The following BAIAP2 variants were observed in gnomAD, a reference collection of about 807,000 sequenced individuals.
The protein encoded by BAIAP2 is BAR/IMD domain containing adaptor protein 2.
In BAIAP2, 18 loss-of-function variants were observed where a neutral mutation model predicts 63.0. The observed-to-expected ratio is 0.29, with a 90% CI of 0.20 to 0.42. BAIAP2 has a LOEUF of 0.42. Ranked by LOEUF, BAIAP2 falls within the 10% of genes least tolerant of loss-of-function variation. The pLI is 1.00. For synonymous variants in BAIAP2, 386 were observed against 307.6 expected (o/e 1.25, Z -2.67); for missense variants, 610 against 734.3 (o/e 0.83, Z 1.96).
chr17:81,079,824 G>A (rs1417872352), intron 3 of BAIAP2, among the ~76,000 whole-genome samples: 1 of 152,194 alleles, frequency 6.6e-6, no homozygotes, highest in African/African-American at 2.4e-5. Flanking sequence ...CCAGACGTGG[G>A]CCTCCCAGTG....
At chr17:81,110,105 C>CGGCTCAGCCT in intron 13 of BAIAP2, 8 of 985,354 alleles carry the variant, frequency 8.1e-6, no homozygotes, top group Non-Finnish European at 9.6e-6. Context: ...GGGCACAGCC[C>CGGCTCAGCCT]GGCTCAGCCT....
At chr17:81,091,180 T>A (rs2056688974) in intron 6 of BAIAP2, among the ~76,000 whole-genome samples, 1 of 106,442 alleles carries the variant, frequency 9.4e-6, no homozygotes, top group African/African-American at 3.4e-5. Context: ...CACCCCCATT[T>A]ATGTGGCCCC....
intron 3 of BAIAP2, among the ~76,000 whole-genome samples, chr17:81,063,107 TAAG>T (rs918951484): frequency 5.3e-5 from 8 of 151,648 alleles, no homozygotes; most frequent in South Asian, 2.1e-4. Flanking sequence ...CTGCAGGGGT[TAAG>T]AGGAGGGGTG....
intron 3 of BAIAP2, among the ~76,000 whole-genome samples, chr17:81,066,908 C>T (rs1235571821): frequency 1.3e-5 from 2 of 152,252 alleles, no homozygotes; most frequent in South Asian, 2.1e-4. Context: ...GGGCATGACA[C>T]CTGCTTTCAG....
Position 81,035,201 on chromosome 17 carries a change from TGCC to T in BAIAP2, c.-48_-46del. 7.1e-7 allele frequency: 1 copy of T among 1,410,988 alleles called. No individual in the cohort carries two copies. The allele number at this position is 1,410,988 out of a possible 1,614,324, so 87.4% of individuals were successfully genotyped here. ...GTCCTGCTGCCGTTACCGCCGCTGC[TGCC>T]GCCGCTTGCGTCCCCCGCTCCGGTC... is the stretch of plus-strand genomic sequence containing the variant. On this transcript the variant is annotated 5_prime_UTR_variant, in exon 1 of 14. Coordinates refer to ENST00000428708, the MANE Select transcript of BAIAP2 (RefSeq NM_001144888.2).
chr17:81,084,213 C>T (rs1341408679), intron 3 of BAIAP2, among the ~76,000 whole-genome samples: 2 of 152,208 alleles, frequency 1.3e-5, no homozygotes, highest in African/African-American at 2.4e-5. Context: ...ACCAGGGTGG[C>T]TGCCTGGTGA....
At chr17:81,036,758 A>G in intron 1 of BAIAP2, 3 of 989,784 alleles carry the variant, frequency 3.0e-6, no homozygotes, top group Admixed American at 4.3e-5. Flanking sequence ...AGTCTGTGGC[A>G]TACGGTTCTG....
intron 6 of BAIAP2, among the ~76,000 whole-genome samples, chr17:81,099,499 G>A (rs895047162): frequency 1.3e-5 from 2 of 152,176 alleles, no homozygotes; most frequent in Non-Finnish European, 2.9e-5. Context: ...AGTGCTCCAG[G>A]CAACAGGGGG....
At chr17:81,098,101 G>GC (rs1411610028) in intron 6 of BAIAP2, 8 of 1,373,098 alleles carry the variant, frequency 5.8e-6, no homozygotes, top group African/African-American at 2.9e-5. Context: ...GGAGGGGCCA[G>GC]CGGGGGGTGG....
chr17:81,037,592 G>A (rs910006366), intron 1 of BAIAP2, among the ~76,000 whole-genome samples: 3 of 152,208 alleles, frequency 2.0e-5, no homozygotes, highest in South Asian at 4.1e-4. Context: ...CGGTCCAGCC[G>A]GTCCAGGCAG....
intron 3 of BAIAP2, among the ~76,000 whole-genome samples, chr17:81,084,116 G>A (rs1276065141): frequency 2.0e-5 from 3 of 152,184 alleles, no homozygotes; most frequent in Admixed American, 6.5e-5. Flanking sequence ...TTTTGCACAC[G>A]GGCCGAGGAG....
rs371612504 is a variant in BAIAP2 at position 81,072,378 on chromosome 17, A to G, written c.218-12454A>G. 7.0e-4 allele frequency among the ~76,000 whole-genome samples: 107 copies of G among 152,300 alleles called. No homozygotes were observed. The South Asian group carries it at 0.011, about 15-fold the overall frequency. On this transcript the variant is annotated intron_variant, in intron 3 of 13. Coordinates refer to ENST00000428708, the MANE Select transcript of BAIAP2 (RefSeq NM_001144888.2). ...AGGAGGGGCTCTCCTCAGTGTCCCT[A>G]TGTCCATGCCTTGTGGCCACCTGAG...
intron 3 of BAIAP2, among the ~76,000 whole-genome samples, chr17:81,062,928 G>A (rs950406216): frequency 9.6e-5 from 6 of 62,766 alleles, no homozygotes; most frequent in African/African-American, 1.2e-4. Context: ...CCGCCCCCCC[G>A]CCGCCCCCAC....
At chr17:81,105,880 G>A (rs1016529496) in intron 10 of BAIAP2, 198 bp from the exon 11 acceptor site, 8 of 548,576 alleles carry the variant, frequency 1.5e-5, no homozygotes, top group Admixed American at 1.3e-4. Flanking sequence ...GACAGCCCGG[G>A]CCACCTTGCC....
chr17:81,041,206 CT>C (rs1394716024), intron 1 of BAIAP2, among the ~76,000 whole-genome samples: 1 of 152,238 alleles, frequency 6.6e-6, no homozygotes, highest in Non-Finnish European at 1.5e-5. Flanking sequence ...GGAGTCTTGC[CT>C]GGCCAGTCCC....
intron 6 of BAIAP2, among the ~76,000 whole-genome samples, chr17:81,090,309 G>T (rs921728622): frequency 6.6e-6 from 1 of 152,186 alleles, no homozygotes; most frequent in Non-Finnish European, 1.5e-5. Context: ...AGGATGAGCC[G>T]ACATCAACCT....
chr17:81,059,358 A>AC (rs755552199), intron 3 of BAIAP2, among the ~76,000 whole-genome samples: 1 of 152,224 alleles, frequency 6.6e-6, no homozygotes, highest in Non-Finnish European at 1.5e-5. Context: ...CTCCAGTGCA[A>AC]CCAACAGCAG....
At chr17:81,048,477 G>A (rs2048168163) in intron 1 of BAIAP2, among the ~76,000 whole-genome samples, 1 of 152,026 alleles carries the variant, frequency 6.6e-6, no homozygotes, top group Non-Finnish European at 1.5e-5. Flanking sequence ...AAATGTACTG[G>A]CCACTCTCCC....
intron 1 of BAIAP2, among the ~76,000 whole-genome samples, chr17:81,042,309 C>T (rs939572836): frequency 2.5e-4 from 24 of 94,162 alleles, no homozygotes; most frequent in Non-Finnish European, 6.8e-4. Flanking sequence ...GTGTGCCTGG[C>T]TAATTTTTTT....
Sources: gnomAD v4.1 joint callset for allele counts (sites outside exome capture counted in the v4.1 genomes callset) on GRCh38, gnomAD v4.1.1 for gene constraint, MANE v1.5 for transcripts, NCBI Gene and HGNC (gene_info 2026-07-23, HGNC 2026-07-21) for gene names.